Variants in MINDY3 observed in about 807,000 individuals in gnomAD.
MINDY3 encodes ubiquitin carboxyl-terminal hydrolase MINDY-3.
Under a neutral mutation model 69.2 loss-of-function variants are expected in MINDY3, and 38 were observed. The observed-to-expected ratio is 0.55, with a 90% CI of 0.42 to 0.72. The LOEUF is 0.72. MINDY3 is among the 30% of genes least tolerant of loss of function. MINDY3 has a pLI of 0.00. For synonymous variants in MINDY3, 192 were observed against 180.1 expected (o/e 1.07, Z -0.53); for missense variants, 522 against 519.0 (o/e 1.01, Z -0.06).
Position 15,779,117 on chromosome 10 carries a change from C to G in MINDY3, c.1213G>C (p.Val405Leu), listed in dbSNP as rs147953306. 59 of 1,613,558 alleles carry G rather than the reference C, an allele frequency of 3.7e-5. No homozygotes were observed. In the African/African-American group the frequency reaches 6.8e-4, roughly 19 times the overall value. ...ATGGGATCTTCAAAACCCATCACAACTGCAGTCCCTTCTACGTACATGACC... is the reference window on the plus strand; with the variant it reads ...ATGGGATCTTCAAAACCCATCACAAGTGCAGTCCCTTCTACGTACATGACC... Reference protein sequence around the residue: ...EKVMYVEGTAVVMGFEDPMLQ... With the variant: ...EKVMYVEGTALVMGFEDPMLQ... The change falls in exon 15 of 15, where the codon GTT becomes CTT. Residue 405 changes from valine (V) to leucine (L), a missense_variant. Coordinates refer to ENST00000277632, the MANE Select transcript of MINDY3 (RefSeq NM_024948.4).
intron 9 of MINDY3, chr10:15,817,662 A>G (rs1839468184): frequency 6.6e-6 from 1 of 152,240 alleles, no homozygotes; most frequent in Non-Finnish European, 1.5e-5. Context: ...CCACTCTCAT[A>G]TGAAGACAGA....
chr10:15,812,485 T>C (rs999475912), intron 10 of MINDY3, among the ~76,000 whole-genome samples: 1 of 152,166 alleles, frequency 6.6e-6, no homozygotes, highest in Non-Finnish European at 1.5e-5. Flanking sequence ...AAGTTTTTAA[T>C]TCCTCTATGG....
At chr10:15,793,698 A>C (rs1475553524) in intron 11 of MINDY3, among the ~76,000 whole-genome samples, 2 of 152,132 alleles carry the variant, frequency 1.3e-5, no homozygotes, top group Non-Finnish European at 2.9e-5. Context: ...GTGGCTCTGG[A>C]GAAGTGACTC....
intron 8 of MINDY3, among the ~76,000 whole-genome samples, chr10:15,829,878 T>C (rs560703318): frequency 6.6e-6 from 1 of 152,188 alleles, no homozygotes; most frequent in African/African-American, 2.4e-5. Flanking sequence ...GAGGCTCAGA[T>C]AATTTAGCAG....
intron 2 of MINDY3, 144 bp from the exon 3 acceptor site, chr10:15,843,416 T>G: frequency 1.5e-6 from 1 of 666,900 alleles, no homozygotes; most frequent in Non-Finnish European, 2.7e-6. Context: ...TGGGTTCCCC[T>G]CACATTTGAC....
At chr10:15,780,229 C>T (rs962516658) in intron 14 of MINDY3, among the ~76,000 whole-genome samples, 3 of 152,074 alleles carry the variant, frequency 2.0e-5, no homozygotes, top group African/African-American at 4.8e-5. Context: ...GAATATATTA[C>T]TAGATCAGAT....
chr10:15,795,886 G>C (rs981457178), intron 11 of MINDY3, among the ~76,000 whole-genome samples: 8 of 151,966 alleles, frequency 5.3e-5, no homozygotes, highest in Non-Finnish European at 1.5e-5. Context: ...TACACCTTCA[G>C]TACTCCAAGA....
chr10:15,855,555 A>C (rs1052775892), intron 1 of MINDY3, among the ~76,000 whole-genome samples: 2 of 152,118 alleles, frequency 1.3e-5, no homozygotes, highest in Non-Finnish European at 2.9e-5. Context: ...AGATCACAGA[A>C]AAATCTTTCT....
intron 1 of MINDY3, among the ~76,000 whole-genome samples, chr10:15,859,022 C>T (rs1051933891): frequency 1.3e-5 from 2 of 152,102 alleles, no homozygotes; most frequent in East Asian, 1.9e-4. Flanking sequence ...ATCGAGAGAC[C>T]TGGAATCCAC....
At chr10:15,845,058 T>C (rs1182617746) in intron 2 of MINDY3, among the ~76,000 whole-genome samples, 3 of 150,448 alleles carry the variant, frequency 2.0e-5, no homozygotes, top group Non-Finnish European at 3.0e-5. Context: ...TTACTGCAAA[T>C]ATTTCTTAGT....
intron 9 of MINDY3, among the ~76,000 whole-genome samples, chr10:15,818,297 T>G (rs748778441): frequency 6.6e-6 from 1 of 151,518 alleles, no homozygotes; most frequent in Non-Finnish European, 1.5e-5. Flanking sequence ...AAAAAGTGTG[T>G]ATTTAAATTA....
chr10:15,849,407 GC>G (rs1202910585), intron 1 of MINDY3, among the ~76,000 whole-genome samples: 1 of 151,730 alleles, frequency 6.6e-6, no homozygotes, highest in Non-Finnish European at 1.5e-5. Context: ...GACTTAACCA[GC>G]AGAGATCTTT....
chr10:15,782,008 T>C (rs547288282), intron 14 of MINDY3, 147 bp downstream of exon 14: 14 of 679,966 alleles, frequency 2.1e-5, no homozygotes, highest in Admixed American at 5.6e-5. Flanking sequence ...AATCCAAAGA[T>C]GGCTGATTCT....
At chr10:15,800,638 G>T (rs771823165) in intron 10 of MINDY3, among the ~76,000 whole-genome samples, 3 of 151,966 alleles carry the variant, frequency 2.0e-5, no homozygotes, top group Non-Finnish European at 4.4e-5. Context: ...TAGTGATGCC[G>T]GAAGTTCTCC....
chr10:15,782,525 A>C (rs1451869593), intron 13 of MINDY3, among the ~76,000 whole-genome samples: 2 of 152,110 alleles, frequency 1.3e-5, no homozygotes, highest in African/African-American at 4.8e-5. Context: ...TTTTCAAAAG[A>C]CAAGCTTCTA....
At chr10:15,854,178 A>G (rs1291641512) in intron 1 of MINDY3, among the ~76,000 whole-genome samples, 1 of 152,154 alleles carries the variant, frequency 6.6e-6, no homozygotes, top group Non-Finnish European at 1.5e-5. Flanking sequence ...ATTTGGTTTT[A>G]GATTTCGTAT....
rs143771171 is a variant in MINDY3 at position 15,830,608 on chromosome 10, A to G, written c.730+3022T>C. 1.9e-3 allele frequency among the ~76,000 whole-genome samples: 285 copies of G among 152,346 alleles called. 1 individual carries two copies. The highest frequency in any genetic ancestry group is 6.4e-3 in the African/African-American group (268 of 41,572). ...ATTCCACAGTACACCTGAGAGGCAGATATCTGCCCCATTCATAGAGAAGAA... is the reference window on the plus strand; with the variant it reads ...ATTCCACAGTACACCTGAGAGGCAGGTATCTGCCCCATTCATAGAGAAGAA... On this transcript the variant is annotated intron_variant, in intron 8 of 14. Transcript: ENST00000277632.
In MINDY3 at chr10:15,816,830, C is replaced by T; in HGVS notation, c.882+5G>A. On this transcript the variant is annotated splice_donor_5th_base_variant and intron_variant, in intron 10 of 14. Transcript: ENST00000277632. ...ACTTAAAAAAAAATCCTGCTATAAGCATACCTTGGCAAAAAATACGGTGAG... is the reference window on the plus strand; with the variant it reads ...ACTTAAAAAAAAATCCTGCTATAAGTATACCTTGGCAAAAAATACGGTGAG... 1.9e-6 allele frequency: 3 copies of T among 1,605,908 alleles called. No homozygotes were observed. Among genetic ancestry groups the T allele is most frequent in the East Asian group, 2.2e-5 (1 of 44,716 alleles).
At chr10:15,799,489 A>G (rs1435009658) in intron 10 of MINDY3, among the ~76,000 whole-genome samples, 1 of 152,142 alleles carries the variant, frequency 6.6e-6, no homozygotes, top group African/African-American at 2.4e-5. Context: ...GAGCCACTGC[A>G]ACCAGCCTTT....
Sources: allele counts gnomAD v4.1 joint callset (sites outside exome capture counted in the v4.1 genomes callset), GRCh38; gene constraint gnomAD v4.1.1; transcripts MANE v1.5; gene names NCBI Gene and HGNC (gene_info 2026-07-23, HGNC 2026-07-21).